DIPK1A: variants seen among roughly 807,000 people sequenced by gnomAD.
DIPK1A encodes the protein divergent protein kinase domain 1A, also known as family with sequence similarity 69 member A.
A neutral mutation model predicts 40.8 loss-of-function variants in DIPK1A; 27 were observed. The observed-to-expected ratio is 0.66, with a 90% CI of 0.49 to 0.91. The LOEUF is 0.91. Among genes scored for constraint, DIPK1A ranks in the 40% least tolerant of loss-of-function variants. The pLI, the probability that DIPK1A is intolerant of heterozygous loss-of-function variation, is 0.00. For synonymous variants in DIPK1A, 166 were observed against 171.3 expected (o/e 0.97, Z 0.24); for missense variants, 412 against 505.7 (o/e 0.81, Z 1.78).
At chr1:92,884,810 C>T (rs1648524234) in intron 1 of DIPK1A, among the ~76,000 whole-genome samples, 1 of 152,082 alleles carries the variant, frequency 6.6e-6, no homozygotes, top group Non-Finnish European at 1.5e-5. Context: ...TATTTTAGGG[C>T]AAAATTTACT....
At chr1:92,869,304 G>A (rs565743515) in intron 2 of DIPK1A, among the ~76,000 whole-genome samples, 7 of 151,952 alleles carry the variant, frequency 4.6e-5, no homozygotes, top group East Asian at 3.9e-4. Context: ...GGGACTACAG[G>A]TGCATGCCAC....
chr1:92,846,584 C>T, intron 4 of DIPK1A: 1 of 434,940 alleles, frequency 2.3e-6, no homozygotes, highest in Non-Finnish European at 4.6e-6. Context: ...TTTTAGCTAT[C>T]ATAAATAATG....
intron 1 of DIPK1A, among the ~76,000 whole-genome samples, chr1:92,919,335 C>T (rs975503806): frequency 1.3e-5 from 2 of 152,166 alleles, no homozygotes; most frequent in Admixed American, 1.3e-4. Flanking sequence ...CTAGCTTCAT[C>T]TCTCACCACC....
intron 2 of DIPK1A, among the ~76,000 whole-genome samples, chr1:92,867,516 T>C (rs577979598): frequency 6.6e-6 from 1 of 152,200 alleles, no homozygotes; most frequent in Non-Finnish European, 1.5e-5. Flanking sequence ...GTTGTTGTTG[T>C]TGTTGTTGAG....
intron 2 of DIPK1A, among the ~76,000 whole-genome samples, chr1:92,860,670 G>C (rs1647220362): frequency 6.8e-6 from 1 of 147,880 alleles, no homozygotes; most frequent in Non-Finnish European, 1.5e-5. Flanking sequence ...CTTAGTCCCA[G>C]CTACTGGGGT....
At chr1:92,850,647 C>G (rs1687789431) in intron 3 of DIPK1A, among the ~76,000 whole-genome samples, 1 of 152,182 alleles carries the variant, frequency 6.6e-6, no homozygotes, top group South Asian at 2.1e-4. Context: ...CACCACTGTA[C>G]TCCAGCCTGG....
chr1:92,851,580 AAT>A (rs1687829559), intron 2 of DIPK1A, among the ~76,000 whole-genome samples: 1 of 133,654 alleles, frequency 7.5e-6, no homozygotes, highest in Non-Finnish European at 1.6e-5. Context: ...TTTTAAAATA[AAT>A]AAAGTTTAGA....
At chr1:92,868,679 T>G (rs775202302) in intron 2 of DIPK1A, among the ~76,000 whole-genome samples, 3 of 152,104 alleles carry the variant, frequency 2.0e-5, no homozygotes, top group African/African-American at 7.2e-5. Flanking sequence ...GAACGTAAGC[T>G]CCTTGGCTGG....
rs565124272 is a variant in DIPK1A, at chr1:92,878,459, C to A, written c.55-2029G>T. 1.1e-3 allele frequency among the ~76,000 whole-genome samples: 168 copies of A among 152,098 alleles called. 1 individual carries two copies. The highest frequency in any genetic ancestry group is 2.1e-3 in the Non-Finnish European group (144 of 67,998). On this transcript the variant is annotated intron_variant, in intron 1 of 4. Transcript: ENST00000370310. ...CAGAACTTCGGGAGGCCAAGACAGG[C>A]GAACAACTTGAGGTGAGGAGTTCAA...
chr1:92,849,541 C>T (rs534634629), intron 3 of DIPK1A, among the ~76,000 whole-genome samples: 13 of 151,876 alleles, frequency 8.6e-5, no homozygotes, highest in Non-Finnish European at 1.5e-4. Flanking sequence ...GAGACAGTCT[C>T]GCTCTATTGT....
At chr1:92,883,320 G>A (rs1246826941) in intron 1 of DIPK1A, among the ~76,000 whole-genome samples, 1 of 152,322 alleles carries the variant, frequency 6.6e-6, no homozygotes, top group South Asian at 2.1e-4. Context: ...GCAATTGCAG[G>A]TAAAAAGAAC....
intron 1 of DIPK1A, among the ~76,000 whole-genome samples, chr1:92,905,536 T>C (rs1318129680): frequency 6.6e-6 from 1 of 152,184 alleles, no homozygotes. Flanking sequence ...CTTTGTCAGA[T>C]GGGTAGTTTG....
chr1:92,844,778 ATAG>A (rs1362207135), intron 4 of DIPK1A, among the ~76,000 whole-genome samples: 2 of 152,128 alleles, frequency 1.3e-5, no homozygotes, highest in Non-Finnish European at 2.9e-5. Flanking sequence ...TTTTGTTCAA[ATAG>A]TAGTATTACA....
rs187246981 is a variant in DIPK1A at position 92,881,088 on chromosome 1, G to A, written c.55-4658C>T. Among the ~76,000 whole-genome samples the A allele has an allele frequency of 2.3e-3, 315 of 139,806 alleles. 2 individuals carry two copies. The highest frequency in any genetic ancestry group is 7.8e-3 in the Middle Eastern group (2 of 258). The allele number at this position is 139,806 out of a possible 152,430, so 91.7% of individuals were successfully genotyped here. A position where few individuals can be genotyped will look rare whatever the true frequency, so the allele number is the denominator to read the frequency against. Reference sequence around the variant, plus strand: ...CTCGGGAGGCTGAGGCAGGAGAATCGCTTGAACCCGGGAGGTGGAGGTTGT... The same window carrying A: ...CTCGGGAGGCTGAGGCAGGAGAATCACTTGAACCCGGGAGGTGGAGGTTGT... On this transcript the variant is annotated intron_variant, in intron 1 of 4. Coordinates refer to ENST00000370310, the MANE Select transcript of DIPK1A (RefSeq NM_001006605.5).
chr1:92,924,360 A>G (rs917860787), intron 1 of DIPK1A, among the ~76,000 whole-genome samples: 4 of 151,984 alleles, frequency 2.6e-5, no homozygotes, highest in South Asian at 4.1e-4. Flanking sequence ...GGACATTCAG[A>G]AAAATGTTGA....
At chr1:92,936,629 C>CAA (rs754629896) in intron 1 of DIPK1A, among the ~76,000 whole-genome samples, 2 of 102,268 alleles carry the variant, frequency 2.0e-5, no homozygotes, top group Non-Finnish European at 2.0e-5. Context: ...AACTCCGTCT[C>CAA]AAAAAAAAAA....
intron 1 of DIPK1A, among the ~76,000 whole-genome samples, chr1:92,883,302 T>C (rs537954902): frequency 1.1e-4 from 16 of 152,344 alleles, no homozygotes; most frequent in Non-Finnish European, 2.4e-4. Flanking sequence ...AAAGGAATGT[T>C]GGCATTTGCA....
intron 2 of DIPK1A, among the ~76,000 whole-genome samples, chr1:92,876,048 T>G (rs1185364613): frequency 6.7e-6 from 1 of 150,192 alleles, no homozygotes; most frequent in East Asian, 1.9e-4. Flanking sequence ...ATAATAAAAA[T>G]CCTTCTTTGT....
At chr1:92,942,661 T>A (rs757278078) in intron 1 of DIPK1A, among the ~76,000 whole-genome samples, 4 of 152,170 alleles carry the variant, frequency 2.6e-5, no homozygotes, top group Non-Finnish European at 4.4e-5. Flanking sequence ...TTAGGTTTTT[T>A]ATTTTTATTT....
Sources: gnomAD v4.1 joint callset for allele counts (sites outside exome capture counted in the v4.1 genomes callset) on GRCh38, gnomAD v4.1.1 for gene constraint, MANE v1.5 for transcripts, NCBI Gene and HGNC (gene_info 2026-07-23, HGNC 2026-07-21) for gene names.